FOXP1: variants seen among roughly 807,000 people sequenced by gnomAD.
FOXP1 encodes forkhead box P1.
A neutral mutation model predicts 98.2 loss-of-function variants in FOXP1; 15 were observed. The observed-to-expected ratio is 0.15, with a 90% CI of 0.10 to 0.24. FOXP1 has a LOEUF of 0.24. FOXP1 is among the 10% of genes least tolerant of loss of function. The pLI is 1.00. For missense variants in FOXP1, 633 were observed against 848.5 expected, an observed-to-expected ratio of 0.75 and a Z score of 3.15; for synonymous variants, 371 against 314.5, an observed-to-expected ratio of 1.18 and a Z score of -1.90.
At chr3:71,366,193 CT>C (rs1380829478) in intron 3 of FOXP1, among the ~76,000 whole-genome samples, 3 of 151,934 alleles carry the variant, frequency 2.0e-5, no homozygotes, top group South Asian at 4.2e-4. Flanking sequence ...AGAGAGATAT[CT>C]TTTTTTAAAT....
intron 4 of FOXP1, among the ~76,000 whole-genome samples, chr3:71,308,379 A>C (rs966874205): frequency 1.3e-5 from 2 of 152,164 alleles, no homozygotes; most frequent in Non-Finnish European, 2.9e-5. Flanking sequence ...CAGTAAAAGA[A>C]CTCTACAGTC....
At chr3:70,986,225 G>A (rs1343473069) in intron 14 of FOXP1, among the ~76,000 whole-genome samples, 1 of 152,054 alleles carries the variant, frequency 6.6e-6, no homozygotes, top group African/African-American at 2.4e-5. Context: ...AATCCCAATG[G>A]TCCTTTTGTG....
intron 7 of FOXP1, 117 bp from the exon 8 acceptor site, chr3:71,053,890 C>G (rs2050250324): frequency 9.6e-7 from 1 of 1,040,212 alleles, no homozygotes; most frequent in African/African-American, 1.6e-5. Context: ...TCCCATGCAA[C>G]ATGTATTTAT....
intron 4 of FOXP1, among the ~76,000 whole-genome samples, chr3:71,301,796 A>G (rs1046046258): frequency 6.6e-6 from 1 of 152,204 alleles, no homozygotes; most frequent in Non-Finnish European, 1.5e-5. Context: ...GAACACTTTC[A>G]GGTAAACACT....
At chr3:70,991,052 ATTT>A (rs11373167) in intron 13 of FOXP1, among the ~76,000 whole-genome samples, 11 of 144,816 alleles carry the variant, frequency 7.6e-5, no homozygotes, top group Middle Eastern at 3.6e-3. Flanking sequence ...CAACTTTCTA[ATTT>A]TTTTTTTTTT....
At chr3:71,536,479 G>A (rs1475161775) in intron 2 of FOXP1, among the ~76,000 whole-genome samples, 1 of 151,912 alleles carries the variant, frequency 6.6e-6, no homozygotes, top group Non-Finnish European at 1.5e-5. Context: ...TACTAGGAAT[G>A]GAGACTGTAC....
intron 11 of FOXP1, among the ~76,000 whole-genome samples, chr3:71,030,450 C>T (rs992186051): frequency 1.3e-5 from 2 of 151,708 alleles, no homozygotes; most frequent in Non-Finnish European, 2.9e-5. Flanking sequence ...ACAAATAATA[C>T]TTACTCCCTT....
chr3:71,461,104 T>C (rs543804612), intron 3 of FOXP1, among the ~76,000 whole-genome samples: 1 of 152,306 alleles, frequency 6.6e-6, no homozygotes, highest in African/African-American at 2.4e-5. Context: ...TTGGGGAAGT[T>C]AAAAAGACTT....
At chr3:71,490,929 C>T (rs867635796) in intron 3 of FOXP1, among the ~76,000 whole-genome samples, 2 of 152,192 alleles carry the variant, frequency 1.3e-5, no homozygotes, top group Non-Finnish European at 1.5e-5. Context: ...AGAATTCTAA[C>T]CCCTTTGATG....
At chr3:71,163,527 G>A (rs1204919911) in intron 6 of FOXP1, among the ~76,000 whole-genome samples, 4 of 152,108 alleles carry the variant, frequency 2.6e-5, no homozygotes, top group African/African-American at 7.2e-5. Flanking sequence ...CATAGCAAAC[G>A]TGGCGGCTGC....
intron 2 of FOXP1, among the ~76,000 whole-genome samples, chr3:71,576,944 T>C (rs1194630296): frequency 6.6e-6 from 1 of 152,134 alleles, no homozygotes; most frequent in African/African-American, 2.4e-5. Context: ...ACACCTGTTG[T>C]GTACAAGGCA....
At chr3:71,445,169 T>C (rs886423963) in intron 3 of FOXP1, among the ~76,000 whole-genome samples, 5 of 152,094 alleles carry the variant, frequency 3.3e-5, no homozygotes, top group African/African-American at 9.7e-5. Flanking sequence ...ATTTTACCAA[T>C]GAGGAGGCCA....
chr3:71,276,912 C>T (rs1402824999), intron 5 of FOXP1, among the ~76,000 whole-genome samples: 1 of 151,880 alleles, frequency 6.6e-6, no homozygotes, highest in Non-Finnish European at 1.5e-5. Flanking sequence ...CCCTACACTT[C>T]CCAGGCTCTA....
intron 12 of FOXP1, among the ~76,000 whole-genome samples, chr3:71,004,229 T>C (rs781414398): frequency 1.3e-5 from 2 of 151,928 alleles, no homozygotes; most frequent in Non-Finnish European, 2.9e-5. Context: ...TACCATACAC[T>C]GGATAATTTG....
chr3:71,430,216 T>G (rs1369432023), intron 3 of FOXP1, among the ~76,000 whole-genome samples: 1 of 152,170 alleles, frequency 6.6e-6, no homozygotes, highest in African/African-American at 2.4e-5. Context: ...TCGAGGACTT[T>G]GCAGCGTGAG....
intron 2 of FOXP1, among the ~76,000 whole-genome samples, chr3:71,518,360 T>C (rs1191944709): frequency 2.0e-5 from 3 of 152,188 alleles, no homozygotes; most frequent in Non-Finnish European, 4.4e-5. Flanking sequence ...TCCCCATGCT[T>C]ATTTGCTTAA....
intron 6 of FOXP1, among the ~76,000 whole-genome samples, chr3:71,170,725 T>A (rs949943062): frequency 6.6e-6 from 1 of 152,206 alleles, no homozygotes; most frequent in African/African-American, 2.4e-5. Context: ...AATATTTGTT[T>A]CGCATAAGCT....
intron 3 of FOXP1, among the ~76,000 whole-genome samples, chr3:71,379,559 A>G (rs1304940528): frequency 6.6e-6 from 1 of 152,148 alleles, no homozygotes; most frequent in African/African-American, 2.4e-5. Flanking sequence ...GATGATTTCT[A>G]TACAGCCCAC....
intron 3 of FOXP1, among the ~76,000 whole-genome samples, chr3:71,431,370 C>T (rs762984411): frequency 3.4e-4 from 52 of 152,062 alleles, no homozygotes; most frequent in Non-Finnish European, 6.0e-4. Flanking sequence ...GTTTTCTCAG[C>T]GACTTAACTT....
Sources: gnomAD v4.1 joint callset for allele counts (sites outside exome capture counted in the v4.1 genomes callset) on GRCh38, gnomAD v4.1.1 for gene constraint, MANE v1.5 for transcripts, NCBI Gene and HGNC (gene_info 2026-07-23, HGNC 2026-07-21) for gene names.